The following SLC14A2 variants were observed in gnomAD, a reference collection of about 807,000 sequenced individuals.
SLC14A2 encodes solute carrier family 14 member 2, also known as urea transporter 2.
SLC14A2 carries 91 observed loss-of-function variants against 104.6 expected under a neutral mutation model. The ratio of observed to expected loss-of-function variants is 0.87; its 90% CI spans 0.73 to 1.04. The LOEUF (loss-of-function observed/expected upper bound fraction) is 1.04, where lower values mean the gene tolerates loss of function less well. Among genes scored for constraint, SLC14A2 ranks in the 50% least tolerant of loss-of-function variants. The pLI, the probability that SLC14A2 is intolerant of heterozygous loss-of-function variation, is 0.00. For synonymous variants in SLC14A2, 476 were observed against 466.4 expected, an observed-to-expected ratio of 1.02 and a Z score of -0.27; for missense variants, 1,189 against 1,156.0, an observed-to-expected ratio of 1.03 and a Z score of -0.41.
chr18:45,573,129 T>A (rs181337301), intron 2 of SLC14A2, among the ~76,000 whole-genome samples: 75 of 152,300 alleles, frequency 4.9e-4, no homozygotes, highest in African/African-American at 1.8e-3. Context: ...CAGCTCAGTG[T>A]TCTTTCAACT....
intron 1 of SLC14A2, among the ~76,000 whole-genome samples, chr18:45,259,623 T>A (rs1568124887): frequency 6.6e-6 from 1 of 152,166 alleles, no homozygotes; most frequent in Non-Finnish European, 1.5e-5. Context: ...TTTTTTTTCC[T>A]ATGGAATAAT....
chr18:45,625,788 CA>C lies in SLC14A2; in HGVS notation c.259del (p.Arg87GlyfsTer16). ...GGTGGCCCATCGGGACTCAGCAGGC[CA>C]AAGGTGCATCTGCCTCTCCAAAGCA... ...DGVAHRDSAG[Q>X]RCICLSKAVG... On this transcript the variant is annotated frameshift_variant, in exon 3 of 20. Transcript: ENST00000255226. LOFTEE classifies it high-confidence loss of function. 6.5e-7 allele frequency: 1 copy of C among 1,550,038 alleles called. No homozygotes were observed. Among genetic ancestry groups the C allele is most frequent in the East Asian group, 2.5e-5 (1 of 40,020 alleles).
chr18:45,519,522 C>A (rs1024608098), intron 2 of SLC14A2, among the ~76,000 whole-genome samples: 1 of 152,200 alleles, frequency 6.6e-6, no homozygotes, highest in Non-Finnish European at 1.5e-5. Context: ...CACACACATA[C>A]ACCTCACTCA....
chr18:45,527,408 ATGT>A (rs2144822465), intron 2 of SLC14A2, among the ~76,000 whole-genome samples: 1 of 152,306 alleles, frequency 6.6e-6, no homozygotes, highest in African/African-American at 2.4e-5. Flanking sequence ...ATTATAGATG[ATGT>A]TGATGGTGTT....
chr18:45,368,590 C>G (rs373431674), intron 1 of SLC14A2, among the ~76,000 whole-genome samples: 1 of 152,172 alleles, frequency 6.6e-6, no homozygotes, highest in South Asian at 2.1e-4. Context: ...GATTTATCAT[C>G]TCTGTTTAAC....
intron 1 of SLC14A2, among the ~76,000 whole-genome samples, chr18:45,482,767 A>C (rs570067488): frequency 3.3e-5 from 5 of 151,866 alleles, no homozygotes; most frequent in African/African-American, 1.2e-4. Flanking sequence ...GTAAGTCAGA[A>C]GTTCAGCCCA....
At chr18:45,278,889 T>A (rs931736252) in intron 1 of SLC14A2, among the ~76,000 whole-genome samples, 1 of 152,212 alleles carries the variant, frequency 6.6e-6, no homozygotes, top group Non-Finnish European at 1.5e-5. Context: ...AACTGGTGCT[T>A]ACCACTGCAC....
intron 5 of SLC14A2, among the ~76,000 whole-genome samples, chr18:45,634,211 T>C (rs945870199): frequency 6.6e-6 from 1 of 152,212 alleles, no homozygotes; most frequent in Non-Finnish European, 1.5e-5. Context: ...TGTAGTGCCA[T>C]TTTCCAGATT....
chr18:45,645,624 C>CATATATATATATATATATATACATATAT (rs2045610233), intron 10 of SLC14A2, among the ~76,000 whole-genome samples: 2 of 9,048 alleles, frequency 2.2e-4, no homozygotes, highest in African/African-American at 4.1e-4. Flanking sequence ...TATATATATA[C>CATATATATATATATATATATACATATAT]ATATACAAAG....
intron 1 of SLC14A2, among the ~76,000 whole-genome samples, chr18:45,450,695 C>T (rs931848669): frequency 6.6e-6 from 1 of 152,198 alleles, no homozygotes; most frequent in South Asian, 2.1e-4. Flanking sequence ...TACACTCTGA[C>T]AGTCTATTAA....
At chr18:45,648,749 C>T (rs2045672972) in intron 10 of SLC14A2, among the ~76,000 whole-genome samples, 1 of 151,122 alleles carries the variant, frequency 6.6e-6, no homozygotes, top group African/African-American at 2.4e-5. Flanking sequence ...AACTAATATA[C>T]TAGTTTTTTT....
chr18:45,223,863 G>A (rs1487671153), intron 1 of SLC14A2, among the ~76,000 whole-genome samples: 5 of 152,144 alleles, frequency 3.3e-5, no homozygotes, highest in Non-Finnish European at 7.4e-5. Context: ...GCAACTCCAG[G>A]GAAACAGGCC....
chr18:45,573,839 C>CTAGTT (rs1308614825), intron 2 of SLC14A2, among the ~76,000 whole-genome samples: 2 of 152,320 alleles, frequency 1.3e-5, no homozygotes, highest in East Asian at 1.9e-4. Flanking sequence ...AATATATCAT[C>CTAGTT]TAGTTTAAGA....
At chr18:45,466,608 CA>C (rs1425743628) in intron 1 of SLC14A2, among the ~76,000 whole-genome samples, 1 of 148,102 alleles carries the variant, frequency 6.8e-6, no homozygotes, top group East Asian at 2.0e-4. Context: ...TCCACAGAGA[CA>C]GACCAAAAAC....
At chr18:45,276,436 T>A (rs16978320) in intron 1 of SLC14A2, among the ~76,000 whole-genome samples, 4,022 of 152,140 alleles carry the variant, frequency 0.026, 120 homozygotes, top group East Asian at 0.1. Flanking sequence ...GAAGTGAATG[T>A]TGAATAGGAG....
intron 2 of SLC14A2, among the ~76,000 whole-genome samples, chr18:45,594,834 C>T (rs2044698690): frequency 6.6e-6 from 1 of 152,182 alleles, no homozygotes; most frequent in South Asian, 2.1e-4. Flanking sequence ...TTTCATGGTT[C>T]ATCACTATCC....
chr18:45,419,216 G>A (rs559616583), intron 1 of SLC14A2, among the ~76,000 whole-genome samples: 2 of 152,288 alleles, frequency 1.3e-5, no homozygotes, highest in East Asian at 1.9e-4. Flanking sequence ...TCTATGTGGT[G>A]GAGAATCTTC....
At chr18:45,600,141 G>A (rs1218324361) in intron 2 of SLC14A2, among the ~76,000 whole-genome samples, 1 of 152,124 alleles carries the variant, frequency 6.6e-6, no homozygotes, top group Non-Finnish European at 1.5e-5. Context: ...TGTTAAAAAA[G>A]CAGAGAAAAT....
chr18:45,320,962 G>A (rs1358611834), intron 1 of SLC14A2, among the ~76,000 whole-genome samples: 2 of 152,160 alleles, frequency 1.3e-5, no homozygotes, highest in African/African-American at 4.8e-5. Flanking sequence ...TGGAAACTAT[G>A]CGATTTCACA....
Sources: gnomAD v4.1 joint callset for allele counts (sites outside exome capture counted in the v4.1 genomes callset) on GRCh38, gnomAD v4.1.1 for gene constraint, MANE v1.5 for transcripts, NCBI Gene and HGNC (gene_info 2026-07-23, HGNC 2026-07-21) for gene names.